CTNNA3: variants seen among roughly 807,000 people sequenced by gnomAD.
The protein encoded by CTNNA3 is catenin alpha 3.
A neutral mutation model predicts 95.7 loss-of-function variants in CTNNA3; 76 were observed. The ratio of observed to expected loss-of-function variants is 0.79; its 90% CI spans 0.66 to 0.96. The LOEUF (loss-of-function observed/expected upper bound fraction) is 0.96. Ranked by LOEUF, CTNNA3 falls within the 40% of genes least tolerant of loss-of-function variation. The pLI, the probability that CTNNA3 is intolerant of heterozygous loss-of-function variation, is 0.00. For missense variants in CTNNA3, 1,191 were observed against 1,089.8 expected (o/e 1.09, Z -1.31); for synonymous variants, 431 against 374.4 (o/e 1.15, Z -1.74).
At chr10:67,726,944 A>T (rs1452981966) in intron 1 of CTNNA3, among the ~76,000 whole-genome samples, 1 of 116,644 alleles carries the variant, frequency 8.6e-6, no homozygotes, top group East Asian at 2.4e-4. Context: ...TATATCATAT[A>T]TATTATATAT....
At chr10:66,578,018 T>C (rs1843061086) in intron 10 of CTNNA3, among the ~76,000 whole-genome samples, 1 of 152,004 alleles carries the variant, frequency 6.6e-6, no homozygotes, top group East Asian at 1.9e-4. Flanking sequence ...GTTTTGTAAT[T>C]CTCTTTGCAA....
In CTNNA3 at chr10:65,920,518, G is replaced by T. The variant is rs202196166; in HGVS notation, c.2500C>A (p.Arg834=). 2 of 1,614,074 alleles carry T rather than the reference G, an allele frequency of 1.2e-6. No homozygotes were observed. The highest frequency in any genetic ancestry group is 1.7e-6 in the Non-Finnish European group (2 of 1,180,014). Reference sequence around the variant, plus strand: ...CGGGGCCCAGCAGGACTCTGGATTCGGATGATCTTGGTTGAGGCAATGTAA... The same window carrying T: ...CGGGGCCCAGCAGGACTCTGGATTCTGATGATCTTGGTTGAGGCAATGTAA... ...MSYIASTKII[R]IQSPAGPRHP... Residue 834 remains arginine (R), a synonymous_variant, in exon 18 of 18, where the codon CGA becomes AGA. Transcript: ENST00000433211.
At position 67,134,639 on chromosome 10, in the gene CTNNA3, C is replaced by T. The variant is rs527514995; in HGVS notation, c.1047+45678G>A. ...TCTGCATCCATTCAGTTTTATTAAG[C>T]TTGTATCCTAGATATCTGCATCCAT... On this transcript the variant is annotated intron_variant, in intron 7 of 17. Transcript: ENST00000433211. Among the ~76,000 whole-genome samples the T allele has an allele frequency of 7.2e-5, 11 of 152,204 alleles. No homozygotes were observed. The East Asian group carries it at 2.1e-3, about 29-fold the overall frequency.
At chr10:66,101,191 C>T (rs2081615421) in intron 14 of CTNNA3, among the ~76,000 whole-genome samples, 2 of 152,260 alleles carry the variant, frequency 1.3e-5, no homozygotes, top group South Asian at 4.1e-4. Flanking sequence ...ACCAATGATG[C>T]CAACTAGATT....
At chr10:67,205,543 AATTTCCTTTCC>A (rs1863857915) in intron 6 of CTNNA3, among the ~76,000 whole-genome samples, 1 of 152,154 alleles carries the variant, frequency 6.6e-6, no homozygotes, top group Non-Finnish European at 1.5e-5. Flanking sequence ...GGCCTAGCTC[AATTTCCTTTCC>A]ATAAAGACTT....
intron 17 of CTNNA3, among the ~76,000 whole-genome samples, chr10:65,925,690 G>A (rs543354220): frequency 6.6e-6 from 1 of 152,216 alleles, no homozygotes; most frequent in East Asian, 1.9e-4. Context: ...GCCTTCCTTG[G>A]CCTCCCAAAG....
chr10:66,522,774 T>G (rs1841113025), intron 10 of CTNNA3, among the ~76,000 whole-genome samples: 1 of 151,746 alleles, frequency 6.6e-6, no homozygotes, highest in African/African-American at 2.4e-5. Flanking sequence ...TCCACGCACG[T>G]TATCACAAGT....
At chr10:67,041,798 A>T (rs930703808) in intron 7 of CTNNA3, among the ~76,000 whole-genome samples, 1 of 152,146 alleles carries the variant, frequency 6.6e-6, no homozygotes, top group African/African-American at 2.4e-5. Flanking sequence ...AGAATTCAGT[A>T]AGGAAAGAAT....
chr10:66,739,473 T>A (rs1849254791), intron 9 of CTNNA3, among the ~76,000 whole-genome samples: 1 of 152,222 alleles, frequency 6.6e-6, no homozygotes, highest in Non-Finnish European at 1.5e-5. Context: ...TTCACAGCTA[T>A]CCCACGAGCA....
chr10:66,517,591 A>T (rs1353355366), intron 11 of CTNNA3, among the ~76,000 whole-genome samples: 1 of 152,124 alleles, frequency 6.6e-6, no homozygotes, highest in African/African-American at 2.4e-5. Context: ...AGGCATGAAT[A>T]ATCCACCCCT....
intron 11 of CTNNA3, among the ~76,000 whole-genome samples, chr10:66,423,596 T>G (rs1442109641): frequency 2.0e-5 from 3 of 152,284 alleles, no homozygotes; most frequent in Admixed American, 1.3e-4. Context: ...ATGCCAGCCC[T>G]GAGGTAACCT....
chr10:67,326,939 T>G (rs1239750431), intron 5 of CTNNA3, among the ~76,000 whole-genome samples: 2 of 152,224 alleles, frequency 1.3e-5, no homozygotes, highest in African/African-American at 4.8e-5. Flanking sequence ...CTTTTTTCTC[T>G]ATTCTTGTCT....
At chr10:65,937,515 T>G (rs2077361198) in intron 17 of CTNNA3, among the ~76,000 whole-genome samples, 1 of 152,182 alleles carries the variant, frequency 6.6e-6, no homozygotes, top group Non-Finnish European at 1.5e-5. Context: ...ACACTGTTCT[T>G]TAAGACTCAG....
At chr10:66,904,569 A>C (rs1845902205) in intron 7 of CTNNA3, among the ~76,000 whole-genome samples, 1 of 152,206 alleles carries the variant, frequency 6.6e-6, no homozygotes, top group Non-Finnish European at 1.5e-5. Flanking sequence ...CCATCATCAG[A>C]GCGAACAGAC....
chr10:66,295,433 T>C (rs1451503945), intron 12 of CTNNA3, among the ~76,000 whole-genome samples: 1 of 152,150 alleles, frequency 6.6e-6, no homozygotes, highest in East Asian at 1.9e-4. Context: ...TGGGACTCAG[T>C]GTATTTCCCT....
intron 7 of CTNNA3, among the ~76,000 whole-genome samples, chr10:67,073,743 G>A (rs1856588776): frequency 6.6e-6 from 1 of 151,856 alleles, no homozygotes; most frequent in Non-Finnish European, 1.5e-5. Flanking sequence ...ACAAAATAGA[G>A]ATCAAAAAAA....
chr10:66,801,016 A>C (rs1841408274), intron 7 of CTNNA3, among the ~76,000 whole-genome samples: 1 of 151,406 alleles, frequency 6.6e-6, no homozygotes, highest in East Asian at 1.9e-4. Context: ...CCACTAGTTA[A>C]TTCTATCCAA....
intron 10 of CTNNA3, among the ~76,000 whole-genome samples, chr10:66,542,793 T>C (rs1841902640): frequency 6.6e-6 from 1 of 151,450 alleles, no homozygotes; most frequent in African/African-American, 2.4e-5. Context: ...ATGTAAATGA[T>C]GAGTTAATGG....
chr10:65,989,948 A>G (rs2078505965), intron 15 of CTNNA3, among the ~76,000 whole-genome samples: 1 of 152,108 alleles, frequency 6.6e-6, no homozygotes, highest in Non-Finnish European at 1.5e-5. Context: ...TAGCTCTCAC[A>G]TATGGAGGAG....
Sources: allele counts gnomAD v4.1 joint callset (sites outside exome capture counted in the v4.1 genomes callset), GRCh38; gene constraint gnomAD v4.1.1; transcripts MANE v1.5; gene names NCBI Gene and HGNC (gene_info 2026-07-23, HGNC 2026-07-21).